The following SLC7A2 variants were observed in gnomAD, a reference collection of about 807,000 sequenced individuals.
SLC7A2 encodes the protein cationic amino acid transporter 2.
A neutral mutation model predicts 58.9 loss-of-function variants in SLC7A2; 48 were observed. The observed-to-expected ratio is 0.82, with a 90% CI of 0.65 to 1.04. The LOEUF (loss-of-function observed/expected upper bound fraction) is 1.04. Ranked by LOEUF, SLC7A2 falls within the 50% of genes least tolerant of loss-of-function variation. The pLI, the probability that SLC7A2 is intolerant of heterozygous loss-of-function variation, is 0.00. For synonymous variants in SLC7A2, 363 were observed against 314.5 expected, an observed-to-expected ratio of 1.15 and a Z score of -1.63; for missense variants, 1,029 against 818.8, an observed-to-expected ratio of 1.26 and a Z score of -3.13.
chr8:17,504,372 A>C (rs1800283673), intron 2 of SLC7A2, among the ~76,000 whole-genome samples: 1 of 152,128 alleles, frequency 6.6e-6, no homozygotes, highest in Non-Finnish European at 1.5e-5. Context: ...CTTACCTTTC[A>C]ATTAGTTGCA....
intron 6 of SLC7A2, among the ~76,000 whole-genome samples, chr8:17,550,813 C>G (rs1178146726): frequency 6.6e-6 from 1 of 152,136 alleles, no homozygotes; most frequent in Non-Finnish European, 1.5e-5. Context: ...CTTAAATGGT[C>G]TCTTTGTTAG....
intron 2 of SLC7A2, among the ~76,000 whole-genome samples, chr8:17,539,667 T>C (rs1315033260): frequency 3.9e-5 from 6 of 152,136 alleles, no homozygotes; most frequent in Non-Finnish European, 8.8e-5. Context: ...TCTGCATCAT[T>C]GTTCTTATAC....
chr8:17,494,974 G>A (rs1799920970), upstream of SLC7A2, among the ~76,000 whole-genome samples: 1 of 152,212 alleles, frequency 6.6e-6, no homozygotes, highest in Non-Finnish European at 1.5e-5. Context: ...TCGGTATTCT[G>A]ACAAAATTGG....
chr8:17,546,878 G>C (rs1198444415), intron 4 of SLC7A2, among the ~76,000 whole-genome samples: 1 of 152,070 alleles, frequency 6.6e-6, no homozygotes, highest in Non-Finnish European at 1.5e-5. Context: ...TCTTATACCA[G>C]ATGGGTTAAA....
intron 9 of SLC7A2, among the ~76,000 whole-genome samples, chr8:17,560,082 T>C (rs1802892259): frequency 6.6e-6 from 1 of 152,226 alleles, no homozygotes; most frequent in South Asian, 2.1e-4. Flanking sequence ...TTTCACTTTC[T>C]TGTGCCATCT....
chr8:17,564,627 A>T (rs1803176209), intron 12 of SLC7A2, among the ~76,000 whole-genome samples: 1 of 152,092 alleles, frequency 6.6e-6, no homozygotes, highest in African/African-American at 2.4e-5. Context: ...TGGAACCTAG[A>T]TCCCTCACGT....
chr8:17,527,798 C>T (rs902176520), intron 2 of SLC7A2, among the ~76,000 whole-genome samples: 2 of 152,114 alleles, frequency 1.3e-5, no homozygotes, highest in African/African-American at 4.8e-5. Context: ...CTGCAAAGAC[C>T]CTGTTTCCCA....
chr8:17,540,503 C>G (rs1801865558), intron 2 of SLC7A2, among the ~76,000 whole-genome samples: 1 of 151,864 alleles, frequency 6.6e-6, no homozygotes. Context: ...CCCCCCAACC[C>G]CTCCAAAAAA....
chr8:17,512,755 A>G (rs1800656292), intron 2 of SLC7A2, among the ~76,000 whole-genome samples: 2 of 152,160 alleles, frequency 1.3e-5, no homozygotes, highest in South Asian at 4.1e-4. Context: ...TAATTTTGCA[A>G]AACTGAAACT....
chr8:17,505,216 A>C (rs995671990), intron 2 of SLC7A2, among the ~76,000 whole-genome samples: 1 of 152,156 alleles, frequency 6.6e-6, no homozygotes, highest in African/African-American at 2.4e-5. Flanking sequence ...CCCACATTCC[A>C]ACCAGTGGGC....
chr8:17,521,653 C>T (rs745955435), intron 2 of SLC7A2, among the ~76,000 whole-genome samples: 79 of 152,330 alleles, frequency 5.2e-4, no homozygotes, highest in Non-Finnish European at 9.3e-4. Flanking sequence ...GCTGTGGCCT[C>T]TTTTCAGCTT....
intron 2 of SLC7A2, among the ~76,000 whole-genome samples, chr8:17,540,891 C>A (rs1293475243): frequency 6.6e-6 from 1 of 152,154 alleles, no homozygotes; most frequent in African/African-American, 2.4e-5. Context: ...CAGATCCTTT[C>A]TCTTTAAATA....
At chr8:17,560,591 TG>T in intron 10 of SLC7A2, 58 bp downstream of exon 10, 1 of 1,411,686 alleles carries the variant, frequency 7.1e-7, no homozygotes, top group Non-Finnish European at 1.0e-6. Context: ...TGAGTAGAGC[TG>T]GCATGATATG....
At chr8:17,563,973 A>G (rs1040800850) in intron 12 of SLC7A2, among the ~76,000 whole-genome samples, 1 of 152,230 alleles carries the variant, frequency 6.6e-6, no homozygotes, top group African/African-American at 2.4e-5. Flanking sequence ...GTCATTTTAT[A>G]TCAACCCAAA....
chr8:17,525,038 C>A (rs529445118), intron 2 of SLC7A2, among the ~76,000 whole-genome samples: 2 of 152,138 alleles, frequency 1.3e-5, no homozygotes, highest in Non-Finnish European at 2.9e-5. Flanking sequence ...TAACACAGAA[C>A]CATTTTTCCA....
At chr8:17,512,376 A>G (rs1346062830) in intron 2 of SLC7A2, among the ~76,000 whole-genome samples, 2 of 152,244 alleles carry the variant, frequency 1.3e-5, no homozygotes, top group African/African-American at 2.4e-5. Flanking sequence ...GTGAAGCCCT[A>G]TGTCTGCTAA....
rs768632447 is a variant in SLC7A2 at position 17,561,976 on chromosome 8, A to G, written c.1537A>G (p.Thr513Ala). Reference sequence around the variant, plus strand: ...CGTGTTGGGCCTGAGTGTCTTGACCACTTACGGAGTTCATGCCATCACCAG... The same window carrying G: ...CGTGTTGGGCCTGAGTGTCTTGACCGCTTACGGAGTTCATGCCATCACCAG... ...FLVLGLSVLT[T>A]YGVHAITRLE... Residue 513 changes from threonine (T) to alanine (A), a missense_variant, in exon 11 of 13, where the codon ACT (threonine) becomes GCT (alanine). Transcript: ENST00000494857. 1.2e-6 allele frequency: 2 copies of G among 1,614,068 alleles called. No homozygotes were observed.
At chr8:17,561,567 C>T (rs1802987030) in intron 10 of SLC7A2, among the ~76,000 whole-genome samples, 1 of 152,060 alleles carries the variant, frequency 6.6e-6, no homozygotes, top group Non-Finnish European at 1.5e-5. Context: ...ATGTTTACGA[C>T]AGCTTAAAAT....
intron 2 of SLC7A2, among the ~76,000 whole-genome samples, chr8:17,520,235 C>G (rs544640980): frequency 3.0e-4 from 45 of 152,082 alleles, no homozygotes; most frequent in African/African-American, 1.0e-3. Flanking sequence ...ACATATGTTC[C>G]AACTATATTT....
Sources: allele counts gnomAD v4.1 joint callset (sites outside exome capture counted in the v4.1 genomes callset), GRCh38; gene constraint gnomAD v4.1.1; transcripts MANE v1.5; gene names NCBI Gene and HGNC (gene_info 2026-07-23, HGNC 2026-07-21).